CRACD: variants seen among roughly 807,000 people sequenced by gnomAD.
CRACD encodes capping protein-inhibiting regulator of actin dynamics.
Under a neutral mutation model 106.8 loss-of-function variants are expected in CRACD, and 56 were observed. The observed-to-expected ratio is 0.52, with a 90% CI of 0.42 to 0.66. The LOEUF is 0.66. Ranked by LOEUF, CRACD falls within the 30% of genes least tolerant of loss-of-function variation. The probability of loss-of-function intolerance (pLI) is 0.00; values close to 1 mark genes in which losing one functional copy is unlikely to be tolerated. For synonymous variants in CRACD, 754 were observed against 670.8 expected, an observed-to-expected ratio of 1.12 and a Z score of -1.92; for missense variants, 1,730 against 1,623.2, an observed-to-expected ratio of 1.07 and a Z score of -1.13.
At chr4:56,236,222 C>T (rs751863137) in intron 2 of CRACD, among the ~76,000 whole-genome samples, 4 of 151,978 alleles carry the variant, frequency 2.6e-5, no homozygotes, top group African/African-American at 7.3e-5. Context: ...GTGAAGGCCA[C>T]GTGAAGAGAC....
At chr4:56,239,299 A>G (rs550124062) in intron 2 of CRACD, among the ~76,000 whole-genome samples, 143 of 151,710 alleles carry the variant, frequency 9.4e-4, no homozygotes, top group African/African-American at 3.4e-3. Flanking sequence ...ATAATAATAA[A>G]TATTATTATT....
rs1456346118 is a variant in CRACD, at chr4:56,315,421, G to T, written c.1919G>T (p.Arg640Leu). Reference sequence around the variant, plus strand: ...GCCCCAGCTGGGGAGAACCCTCCCCGAGGCCCCGGCGACGCGAGGGCGGGC... The same window carrying T: ...GCCCCAGCTGGGGAGAACCCTCCCCTAGGCCCCGGCGACGCGAGGGCGGGC... ...AEAPAGENPPRGPGDARAGSG... is the reference protein window; with the variant it reads ...AEAPAGENPPLGPGDARAGSG... The change falls in exon 8 of 11, where the codon CGA becomes CTA. Residue 640 changes from arginine (R) to leucine (L), a missense_variant. Arg to Leu is a moderately radical substitution (Grantham distance 102). Coordinates refer to ENST00000682029, the MANE Select transcript of CRACD (RefSeq NM_001393381.1). The surrounding 1 kb of genome is among the most constrained non-coding windows in gnomAD (Gnocchi z 4.1). 1.2e-6 allele frequency: 2 copies of T among 1,612,564 alleles called. No individual in the cohort carries two copies. Among genetic ancestry groups the T allele is most frequent in the Non-Finnish European group, 8.5e-7 (1 of 1,179,634 alleles).
At chr4:56,292,127 C>A (rs1406879248) in intron 3 of CRACD, among the ~76,000 whole-genome samples, 1 of 152,164 alleles carries the variant, frequency 6.6e-6, no homozygotes, top group Non-Finnish European at 1.5e-5. Context: ...GCCAAGGTCT[C>A]CTTTGTTGTA....
intron 1 of CRACD, among the ~76,000 whole-genome samples, chr4:56,066,385 C>T (rs1261061525): frequency 1.3e-5 from 2 of 152,010 alleles, no homozygotes; most frequent in Non-Finnish European, 2.9e-5. Flanking sequence ...TGGTCAGAAG[C>T]TTATCTAAAA....
chr4:56,114,750 G>C (rs1029124078), intron 1 of CRACD, among the ~76,000 whole-genome samples: 4 of 151,932 alleles, frequency 2.6e-5, no homozygotes, highest in African/African-American at 9.7e-5. Flanking sequence ...CATTTGGTTA[G>C]GACTTGTATT....
intron 2 of CRACD, among the ~76,000 whole-genome samples, chr4:56,239,813 T>C (rs965855375): frequency 1.3e-5 from 2 of 152,102 alleles, no homozygotes; most frequent in Non-Finnish European, 2.9e-5. Flanking sequence ...CTCTTATGTG[T>C]TAACACCACC....
chr4:56,160,550 G>C (rs1735916868), intron 1 of CRACD, among the ~76,000 whole-genome samples: 2 of 152,170 alleles, frequency 1.3e-5, no homozygotes, highest in South Asian at 4.1e-4. Flanking sequence ...CTCGCCTCCT[G>C]CCTGCAGAAG....
chr4:56,124,840 T>C (rs1734607537), intron 1 of CRACD, among the ~76,000 whole-genome samples: 1 of 152,142 alleles, frequency 6.6e-6, no homozygotes, highest in South Asian at 2.1e-4. Context: ...AGTAGAACAA[T>C]TGTGGGCTCT....
intron 4 of CRACD, among the ~76,000 whole-genome samples, chr4:56,300,906 G>A (rs187891462): frequency 2.2e-4 from 34 of 152,300 alleles, no homozygotes; most frequent in African/African-American, 7.7e-4. Context: ...TTAATAAAAT[G>A]TAAAATGACT....
At chr4:56,326,741 CT>C (rs559242636) in intron 10 of CRACD, among the ~76,000 whole-genome samples, 2,886 of 137,772 alleles carry the variant, frequency 0.021, 77 homozygotes, top group African/African-American at 0.062. Flanking sequence ...GGGACGGTAG[CT>C]TTTTTTTTTT....
chr4:56,051,435 C>G (rs1731870732), intron 1 of CRACD, among the ~76,000 whole-genome samples: 1 of 152,106 alleles, frequency 6.6e-6, no homozygotes, highest in Non-Finnish European at 1.5e-5. Flanking sequence ...TAAATCATCT[C>G]CTGTAACTGA....
chr4:56,205,023 G>A (rs1738053415), intron 2 of CRACD, among the ~76,000 whole-genome samples: 1 of 152,118 alleles, frequency 6.6e-6, no homozygotes, highest in Admixed American at 6.5e-5. Context: ...GGGTGTGGTG[G>A]CATGTGCCTG....
chr4:56,076,374 C>A (rs1732838821), intron 1 of CRACD, among the ~76,000 whole-genome samples: 1 of 152,128 alleles, frequency 6.6e-6, no homozygotes, highest in Non-Finnish European at 1.5e-5. Context: ...AGAAAAAAGG[C>A]TGAGGAGCAC....
chr4:56,170,394 C>T (rs1736316440), intron 1 of CRACD: 3 of 152,220 alleles, frequency 2.0e-5, no homozygotes, highest in Non-Finnish European at 1.5e-5. Context: ...CTGTGCTGCT[C>T]ATTGAAAATA....
chr4:56,171,380 T>C (rs777414292), intron 1 of CRACD, among the ~76,000 whole-genome samples: 29 of 152,090 alleles, frequency 1.9e-4, no homozygotes, highest in Non-Finnish European at 4.3e-4. Context: ...GAAGACACAG[T>C]ATCGAAGAAA....
chr4:56,060,531 A>ATG (rs1732235235), intron 1 of CRACD, among the ~76,000 whole-genome samples: 1 of 152,024 alleles, frequency 6.6e-6, no homozygotes, highest in South Asian at 2.1e-4. Flanking sequence ...GTGAGCAAAA[A>ATG]TGTGGGAAGC....
chr4:56,085,838 C>T (rs1245500460), intron 1 of CRACD, among the ~76,000 whole-genome samples: 1 of 152,072 alleles, frequency 6.6e-6, no homozygotes, highest in Non-Finnish European at 1.5e-5. Flanking sequence ...CTGAGGAGCA[C>T]CAGGCTAAAG....
chr4:56,050,273 A>T (rs886480941), intron 1 of CRACD, among the ~76,000 whole-genome samples: 2 of 134,564 alleles, frequency 1.5e-5, no homozygotes, highest in Non-Finnish European at 1.6e-5. Flanking sequence ...TAGGTGAGGG[A>T]GTGTGTGTGT....
intron 1 of CRACD, among the ~76,000 whole-genome samples, chr4:56,126,172 C>A (rs1380662310): frequency 6.6e-6 from 1 of 152,106 alleles, no homozygotes; most frequent in Non-Finnish European, 1.5e-5. Flanking sequence ...TCTTTGAGCA[C>A]TTCCTTACTT....
Sources: gnomAD v4.1 joint callset for allele counts (sites outside exome capture counted in the v4.1 genomes callset) on GRCh38, gnomAD v4.1.1 for gene constraint, Gnocchi (gnomAD v3.1) non-coding constraint, MANE v1.5 for transcripts, NCBI Gene and HGNC (gene_info 2026-07-23, HGNC 2026-07-21) for gene names.